PCDHGA10: variants seen among roughly 807,000 people sequenced by gnomAD.
The protein encoded by PCDHGA10 is protocadherin gamma-A10.
A neutral mutation model predicts 59.5 loss-of-function variants in PCDHGA10; 42 were observed. The ratio of observed to expected loss-of-function variants is 0.71; its 90% CI spans 0.55 to 0.91. PCDHGA10 has a LOEUF of 0.91. PCDHGA10 is among the 40% of genes least tolerant of loss of function. The pLI, the probability that PCDHGA10 is intolerant of heterozygous loss-of-function variation, is 0.00. For synonymous variants in PCDHGA10, 511 were observed against 517.2 expected (o/e 0.99, Z 0.16); for missense variants, 1,111 against 1,198.2 (o/e 0.93, Z 1.07).
rs545421792 is a variant in PCDHGA10 at position 141,414,806 on chromosome 5, C to T, written c.1631C>T (p.Pro544Leu). ...MQVTASDSGD[P>L]PLSSNVSLSL... is the part of the protein sequence containing the mutation. ...GTGACAGCCAGCGACAGCGGGGATC[C>T]TCCACTCAGCAGCAACGTGTCGTTG... The change falls in exon 1 of 4, where the codon CCT (proline) becomes CTT (leucine). Residue 544 changes from proline to leucine, a missense_variant. By Grantham distance (98) the Pro-to-Leu change is moderately conservative. Coordinates refer to ENST00000398610, the MANE Select transcript of PCDHGA10 (RefSeq NM_018913.3). 2.2e-5 allele frequency: 36 copies of T among 1,614,244 alleles called. No individual in the cohort carries two copies. The South Asian group carries it at 3.1e-4, about 14-fold the overall frequency.
chr5:141,423,061 G>T, intron 1 of PCDHGA10: 2 of 1,614,160 alleles, frequency 1.2e-6, no homozygotes, highest in Non-Finnish European at 1.7e-6. Context: ...CCTGCTTAAG[G>T]CCAGCGAGCC....
chr5:141,415,151 C>G lies in PCDHGA10; in HGVS notation c.1976C>G (p.Ser659Cys). ...CAGGACCACGGCCAGCCCCCTCTCTCCGCCACTGTCACGCTCACCGTGGCC... is the reference window on the plus strand; with the variant it reads ...CAGGACCACGGCCAGCCCCCTCTCTGCGCCACTGTCACGCTCACCGTGGCC... ...AVQDHGQPPL[S>C]ATVTLTVAVA... Residue 659 changes from serine to cysteine, a missense_variant, in exon 1 of 4, where the codon TCC becomes TGC. Physicochemically the swap from Ser to Cys is moderately radical, Grantham distance 112. Coordinates refer to ENST00000398610, the MANE Select transcript of PCDHGA10 (RefSeq NM_018913.3). 2 of 1,613,814 alleles carry G rather than the reference C, an allele frequency of 1.2e-6. No homozygotes were observed. The highest frequency in any genetic ancestry group is 1.7e-6 in the Non-Finnish European group (2 of 1,180,024).
In PCDHGA10 at chr5:141,486,667, G is replaced by A; in HGVS notation, c.2437-8140G>A. On this transcript the variant is annotated intron_variant, in intron 1 of 3. Coordinates refer to ENST00000398610, the MANE Select transcript of PCDHGA10 (RefSeq NM_018913.3). The surrounding 1 kb of genome is among the most constrained non-coding windows in gnomAD (Gnocchi z 5.0). ...TCTCCTACTCACTCCTGGAGCCCAG[G>A]AATCGAGATGTATCAGCTTCCTCTT... 4 of 1,613,948 alleles carry A rather than the reference G, an allele frequency of 2.5e-6. No individual in the cohort carries two copies. Among genetic ancestry groups the A allele is most frequent in the Non-Finnish European group, 3.4e-6 (4 of 1,180,014 alleles).
intron 1 of PCDHGA10, among the ~76,000 whole-genome samples, chr5:141,438,587 C>CATAT (rs1372372472): frequency 2.7e-5 from 2 of 73,430 alleles, no homozygotes; most frequent in Non-Finnish European, 5.2e-5. Context: ...TACATACATA[C>CATAT]ATACATATAT....
Position 141,420,101 on chromosome 5 carries a change from T to A in PCDHGA10, c.2436+4490T>A. 5 of 1,614,046 alleles carry A rather than the reference T, an allele frequency of 3.1e-6. No homozygotes were observed. Among genetic ancestry groups the A allele is most frequent in the Non-Finnish European group, 4.2e-6 (5 of 1,179,870 alleles). ...TCCCCCCAACTACAGTGAGGGAACGTTGCCCTATGCCTATAATTTTTGTGT... is the reference window on the plus strand; with the variant it reads ...TCCCCCCAACTACAGTGAGGGAACGATGCCCTATGCCTATAATTTTTGTGT... On this transcript the variant is annotated intron_variant, in intron 1 of 3. Transcript: ENST00000398610.
chr5:141,428,251 T>G, intron 1 of PCDHGA10: 2 of 893,496 alleles, frequency 2.2e-6, no homozygotes, highest in Non-Finnish European at 3.6e-6. Context: ...ACTGCCAGAC[T>G]TCAGTGACAG....
In PCDHGA10 at chr5:141,511,318, A is replaced by C; in HGVS notation, c.*145A>C. 2 of 1,476,400 alleles carry C rather than the reference A, an allele frequency of 1.4e-6. No homozygotes were observed. Among genetic ancestry groups the C allele is most frequent in the South Asian group, 2.7e-5 (2 of 72,796 alleles). 91.5% of individuals were successfully genotyped at this position (1,476,400 alleles called of 1,614,324 possible). On this transcript the variant is annotated 3_prime_UTR_variant, in exon 4 of 4. Transcript: ENST00000398610. The stretch of plus-strand genomic sequence containing the variant: ...GCCATGCTCCCCTTGGGAAACAGAA[A>C]CAAGTGCCCAGTCAGCACCTACCCC...
At chr5:141,422,638 T>C (rs1412270971) in intron 1 of PCDHGA10, 1 of 1,612,392 alleles carries the variant, frequency 6.2e-7, no homozygotes, top group Non-Finnish European at 8.5e-7. Context: ...CAGGGGTGCC[T>C]CCATCTTCTC....
chr5:141,495,077 C>T (rs1237589417), intron 2 of PCDHGA10, among the ~76,000 whole-genome samples: 4 of 152,180 alleles, frequency 2.6e-5, no homozygotes, highest in African/African-American at 9.7e-5. Flanking sequence ...AATTCACATG[C>T]TTGCCCCTTC....
chr5:141,482,763 T>TGC (rs2099571981), intron 1 of PCDHGA10, among the ~76,000 whole-genome samples: 1 of 127,550 alleles, frequency 7.8e-6, no homozygotes, highest in African/African-American at 3.6e-5. Flanking sequence ...GGTATTTCAT[T>TGC]ATCACTGAAC....
intron 1 of PCDHGA10, among the ~76,000 whole-genome samples, chr5:141,473,298 A>G (rs1033516450): frequency 1.3e-5 from 2 of 152,244 alleles, no homozygotes; most frequent in Non-Finnish European, 2.9e-5. Context: ...AGTAGCATAA[A>G]GATTGCTATA....
intron 1 of PCDHGA10, chr5:141,423,087 G>C (rs756067751): frequency 1.2e-6 from 2 of 1,613,936 alleles, no homozygotes; most frequent in African/African-American, 1.3e-5. Context: ...TCTTCGCGGT[G>C]GGGGAGCACA....
intron 1 of PCDHGA10, among the ~76,000 whole-genome samples, chr5:141,462,399 T>C (rs2099038838): frequency 6.6e-6 from 1 of 152,236 alleles, no homozygotes; most frequent in South Asian, 2.1e-4. Flanking sequence ...ATTTCTTTTA[T>C]GGCACAGAAT....
intron 1 of PCDHGA10, among the ~76,000 whole-genome samples, chr5:141,479,107 G>A (rs1212999480): frequency 6.6e-6 from 1 of 152,090 alleles, no homozygotes; most frequent in Non-Finnish European, 1.5e-5. Flanking sequence ...TTTATTTCAA[G>A]CATTCTACTG....
rs1185679701 is a variant in PCDHGA10, at chr5:141,511,384, G to A, written c.*211G>A. On this transcript the variant is annotated 3_prime_UTR_variant, in exon 4 of 4. Coordinates refer to ENST00000398610, the MANE Select transcript of PCDHGA10 (RefSeq NM_018913.3). ...TTGAATATGCAAAAGCAGTTCCGCT[G>A]GGAACCCCCATCCAATCAACTGCTG... is the stretch of plus-strand genomic sequence containing the variant. 3.5e-6 allele frequency: 4 copies of A among 1,154,490 alleles called. No homozygotes were observed. Among genetic ancestry groups the A allele is most frequent in the Admixed American group, 2.9e-5 (1 of 34,748 alleles). 71.5% of individuals were successfully genotyped at this position (1,154,490 alleles called of 1,614,324 possible). A position where few individuals can be genotyped will look rare whatever the true frequency, so the allele number is the denominator to read the frequency against.
chr5:141,436,973 T>C (rs1209787552), intron 1 of PCDHGA10, among the ~76,000 whole-genome samples: 1 of 152,234 alleles, frequency 6.6e-6, no homozygotes, highest in Non-Finnish European at 1.5e-5. Context: ...TTGTGAAACT[T>C]ATTTTAAAGA....
Position 141,485,200 on chromosome 5 carries a change from A to C in PCDHGA10, c.2437-9607A>C. 1 of 1,614,116 alleles carries C rather than the reference A, an allele frequency of 6.2e-7. No homozygotes were observed. The highest frequency in any genetic ancestry group is 2.2e-5 in the East Asian group (1 of 44,872). ...TGCTCCGCAAGGTGAGAAGCTGGAC[A>C]GAAATCTGGCGGTGGGCTACCCTTT... On this transcript the variant is annotated intron_variant, in intron 1 of 3. Coordinates refer to ENST00000398610, the MANE Select transcript of PCDHGA10 (RefSeq NM_018913.3). This position sits in a 1 kb window ranked among gnomAD's most constrained non-coding sequence, Gnocchi z 5.7.
chr5:141,499,089 A>G (rs1417307590), intron 2 of PCDHGA10, among the ~76,000 whole-genome samples: 2 of 152,116 alleles, frequency 1.3e-5, no homozygotes, highest in Non-Finnish European at 1.5e-5. Context: ...CCTGCTTGGC[A>G]CATGCTTCTC....
rs371964437 is a variant in PCDHGA10, at chr5:141,511,404, C to T, written c.*231C>T. On this transcript the variant is annotated 3_prime_UTR_variant, in exon 4 of 4. Coordinates refer to ENST00000398610, the MANE Select transcript of PCDHGA10 (RefSeq NM_018913.3). ...CCGCTGGGAACCCCCATCCAATCAA[C>T]TGCTGTACCCATGGGGGTAGTGGGG... The T allele has an allele frequency of 7.7e-5, 73 of 947,014 alleles. No individual in the cohort carries two copies. In the East Asian group the frequency reaches 1.8e-3, roughly 23 times the overall value. The allele number at this position is 947,014 out of a possible 1,614,324, so 58.7% of individuals were successfully genotyped here.
Sources: gnomAD v4.1 joint callset for allele counts (sites outside exome capture counted in the v4.1 genomes callset) on GRCh38, gnomAD v4.1.1 for gene constraint, Gnocchi (gnomAD v3.1) non-coding constraint, MANE v1.5 for transcripts, NCBI Gene and HGNC (gene_info 2026-07-23, HGNC 2026-07-21) for gene names.